Variants in CRAMP1 observed in about 807,000 individuals in gnomAD.
The protein encoded by CRAMP1 is cramped chromatin regulator 1.
In CRAMP1, 50 loss-of-function variants were observed where a neutral mutation model predicts 115.4. That is an observed-to-expected ratio of 0.43 (90% CI 0.35 to 0.55). The LOEUF is 0.55. Among genes scored for constraint, CRAMP1 ranks in the 20% least tolerant of loss-of-function variants. The probability of loss-of-function intolerance (pLI) is 0.01; values close to 1 mark genes in which losing one functional copy is unlikely to be tolerated. For missense variants in CRAMP1, 1,679 were observed against 1,721.7 expected, an observed-to-expected ratio of 0.98 and a Z score of 0.44; for synonymous variants, 866 against 745.4, an observed-to-expected ratio of 1.16 and a Z score of -2.64.
At chr16:1,667,295 G>A in intron 16 of CRAMP1, 40 bp from the exon 17 acceptor site, 4 of 1,578,336 alleles carry the variant, frequency 2.5e-6, no homozygotes, top group Non-Finnish European at 3.5e-6. Flanking sequence ...GTGGCATCTG[G>A]TGCACCCTGC....
In CRAMP1 at chr16:1,675,724, A is replaced by T. The variant is rs2036962006; in HGVS notation, c.*1679A>T. 6.6e-6 allele frequency: 1 copy of T among 152,284 alleles called. No homozygotes were observed. The highest frequency in any genetic ancestry group is 1.5e-5 in the Non-Finnish European group (1 of 68,068). The allele number at this position is 152,284 out of a possible 1,614,324, so 9.4% of individuals were successfully genotyped here. ...GGCAAGAGCTTCCTTCTTTTGTCTC[A>T]CGAGTTTTTCTTAGAGCTCTTGCCT... is the stretch of plus-strand genomic sequence containing the variant. On this transcript the variant is annotated 3_prime_UTR_variant, in exon 21 of 21. Transcript: ENST00000397412.
In CRAMP1 at chr16:1,674,299, A is replaced by G; in HGVS notation, c.*254A>G. On this transcript the variant is annotated 3_prime_UTR_variant, in exon 21 of 21. Coordinates refer to ENST00000397412, the MANE Select transcript of CRAMP1 (RefSeq NM_020825.4). ...GCCGTTCTTCACCACGCCTGGGCCC[A>G]TGTTAGGGTCTGCATAATGATCCCA... The G allele has an allele frequency of 5.7e-6, 3 of 524,166 alleles. No individual in the cohort carries two copies. Among genetic ancestry groups the G allele is most frequent in the Non-Finnish European group, 1.0e-5 (3 of 291,578 alleles). 32.5% of individuals were successfully genotyped at this position (524,166 alleles called of 1,614,324 possible).
chr16:1,613,917 T>C (rs1327338512), intron 1 of CRAMP1, among the ~76,000 whole-genome samples: 1 of 152,074 alleles, frequency 6.6e-6, no homozygotes, highest in South Asian at 2.1e-4. Context: ...CCGGAGCTGA[T>C]TATTCTTTAT....
rs905022825 is a variant in CRAMP1 at position 1,671,172 on chromosome 16, G to C, written c.3645+363G>C. On this transcript the variant is annotated intron_variant, in intron 20 of 20. Transcript: ENST00000397412. This position sits in a 1 kb window ranked among gnomAD's most constrained non-coding sequence, Gnocchi z 5.0. The stretch of plus-strand genomic sequence containing the variant: ...CTGAGGTGCGGGGAGTGTTGTGGAG[G>C]GAGGAGTAAGGGGTGGTGGCAGCAG... 5.3e-5 allele frequency among the ~76,000 whole-genome samples: 8 copies of C among 152,148 alleles called. No individual in the cohort carries two copies. The highest frequency in any genetic ancestry group is 1.3e-4 in the Admixed American group (2 of 15,280).
chr16:1,665,018 G>T, intron 13 of CRAMP1, 39 bp from the exon 14 acceptor site: 2 of 1,363,220 alleles, frequency 1.5e-6, no homozygotes, highest in South Asian at 2.3e-5. Context: ...TTTGGTATGG[G>T]AGTTTCATCA....
intron 6 of CRAMP1, among the ~76,000 whole-genome samples, chr16:1,651,686 A>T (rs575273804): frequency 6.7e-6 from 1 of 150,290 alleles, no homozygotes; most frequent in Non-Finnish European, 1.5e-5. Context: ...CTGAGAGGTC[A>T]CGGAGAGGTG....
At chr16:1,620,068 C>A (rs762795603) in intron 2 of CRAMP1, among the ~76,000 whole-genome samples, 1 of 152,190 alleles carries the variant, frequency 6.6e-6, no homozygotes, top group Non-Finnish European at 1.5e-5. Context: ...TGACACCTTG[C>A]CTGCGGCTTG....
chr16:1,643,064 TA>T (rs1159549285), intron 6 of CRAMP1, among the ~76,000 whole-genome samples: 1 of 151,808 alleles, frequency 6.6e-6, no homozygotes, highest in Admixed American at 6.6e-5. Context: ...CTTGGGCCTT[TA>T]AAAAAAACCA....
In CRAMP1 at chr16:1,655,544, G is replaced by A. The variant is rs894489578; in HGVS notation, c.1119+244G>A. On this transcript the variant is annotated intron_variant, in intron 9 of 20. Transcript: ENST00000397412. ...GCCCTCCACGATGTCAGTGGCCTGTGTCTGGCCCACGGGGTGTGGCCAAAG... is the reference window on the plus strand; with the variant it reads ...GCCCTCCACGATGTCAGTGGCCTGTATCTGGCCCACGGGGTGTGGCCAAAG... 5.9e-5 allele frequency among the ~76,000 whole-genome samples: 9 copies of A among 152,328 alleles called. No individual in the cohort carries two copies. In the East Asian group the frequency reaches 7.7e-4, roughly 13 times the overall value.
At chr16:1,660,845 A>G (rs879449999) in intron 11 of CRAMP1, among the ~76,000 whole-genome samples, 19 of 152,144 alleles carry the variant, frequency 1.2e-4, no homozygotes, top group Non-Finnish European at 2.5e-4. Flanking sequence ...TGTCTCTACT[A>G]AAAATACAAA....
At chr16:1,673,602 TC>T (rs933339090) in intron 20 of CRAMP1, among the ~76,000 whole-genome samples, 4 of 152,164 alleles carry the variant, frequency 2.6e-5, no homozygotes, top group Admixed American at 6.5e-5. Flanking sequence ...TTGGGTGTCT[TC>T]CCCCATAGGT....
At chr16:1,673,744 G>C (rs2036942940) in intron 20 of CRAMP1, 137 bp from the exon 21 acceptor site, 2 of 738,074 alleles carry the variant, frequency 2.7e-6, no homozygotes, top group East Asian at 5.0e-5. Flanking sequence ...TCTGCACAGA[G>C]CCCTGGGCTG....
chr16:1,629,986 C>G (rs1248385294), intron 3 of CRAMP1, among the ~76,000 whole-genome samples: 1 of 151,976 alleles, frequency 6.6e-6, no homozygotes, highest in East Asian at 1.9e-4. Context: ...CCCTCTGGCC[C>G]CTCCAGGTCA....
rs1414696027 is a variant in CRAMP1, at chr16:1,677,315, G to C, written c.*3270G>C. 1 of 152,234 alleles carries C rather than the reference G, an allele frequency of 6.6e-6. No individual in the cohort carries two copies. Among genetic ancestry groups the C allele is most frequent in the African/African-American group, 2.4e-5 (1 of 41,446 alleles). The allele number at this position is 152,234 out of a possible 1,614,324, so 9.4% of individuals were successfully genotyped here. A position where few individuals can be genotyped will look rare whatever the true frequency, so the allele number is the denominator to read the frequency against. ...GAATTAGCCGGGCGTGGTGGCGCAT[G>C]CCCATAATCCCAGCTACTGAGGAGA... On this transcript the variant is annotated 3_prime_UTR_variant, in exon 21 of 21. Transcript: ENST00000397412.
intron 3 of CRAMP1, among the ~76,000 whole-genome samples, chr16:1,629,145 G>A (rs2036529187): frequency 6.6e-6 from 1 of 152,166 alleles, no homozygotes; most frequent in Non-Finnish European, 1.5e-5. Flanking sequence ...TACAGTTCTT[G>A]ATTTCCTACC....
At position 1,659,972 on chromosome 16, in the gene CRAMP1, C is replaced by G. The variant is rs377062723; in HGVS notation, c.2322C>G (p.Thr774=). ...QSMTPPGKVV[T]VSSRSPRCPR... ...TGACGCCCCCAGGGAAGGTGGTGAC[C>G]GTCAGCTCTCGCAGCCCCCGCTGCC... is the stretch of plus-strand genomic sequence containing the variant. Residue 774 remains threonine, a synonymous_variant, in exon 11 of 21, where the codon ACC becomes ACG. Coordinates refer to ENST00000397412, the MANE Select transcript of CRAMP1 (RefSeq NM_020825.4). 2.5e-6 allele frequency: 4 copies of G among 1,608,948 alleles called. No homozygotes were observed. The highest frequency in any genetic ancestry group is 2.5e-6 in the Non-Finnish European group (3 of 1,179,808).
rs1272152463 is a variant in CRAMP1 at position 1,672,437 on chromosome 16, G to A, written c.3646-1444G>A. 6.6e-6 allele frequency among the ~76,000 whole-genome samples: 1 copy of A among 152,084 alleles called. No homozygotes were observed. Among genetic ancestry groups the A allele is most frequent in the East Asian group, 1.9e-4 (1 of 5,194 alleles). ...TGGGCTGAGGCATTTGTGGATGAAA[G>A]GGTCTGGTGGTAGGGCTAGCATGAA... is the stretch of plus-strand genomic sequence containing the variant. On this transcript the variant is annotated intron_variant, in intron 20 of 20. Transcript: ENST00000397412. This position sits in a 1 kb window ranked among gnomAD's most constrained non-coding sequence, Gnocchi z 4.9.
intron 4 of CRAMP1, among the ~76,000 whole-genome samples, chr16:1,634,068 C>T (rs929685346): frequency 3.3e-4 from 50 of 151,848 alleles, no homozygotes; most frequent in African/African-American, 1.2e-3. Context: ...GAGAGCAGAT[C>T]TGCCATCCAC....
intron 2 of CRAMP1, among the ~76,000 whole-genome samples, chr16:1,618,345 C>T (rs1398125017): frequency 6.6e-6 from 1 of 152,124 alleles, no homozygotes; most frequent in Non-Finnish European, 1.5e-5. Context: ...TTTACAGGCA[C>T]CTGGTGTTTC....
Sources: allele counts gnomAD v4.1 joint callset (sites outside exome capture counted in the v4.1 genomes callset), GRCh38; gene constraint gnomAD v4.1.1; non-coding constraint Gnocchi (gnomAD v3.1); transcripts MANE v1.5; gene names NCBI Gene and HGNC (gene_info 2026-07-23, HGNC 2026-07-21).